The following STRA6 variants were observed in gnomAD, a reference collection of about 807,000 sequenced individuals.
The protein encoded by STRA6 is signaling receptor and transporter of retinol STRA6, also known as receptor for retinol uptake STRA6.
STRA6 carries 48 observed loss-of-function variants against 83.6 expected under a neutral mutation model. The observed-to-expected ratio is 0.57, with a 90% CI of 0.46 to 0.73. The LOEUF is 0.73. Ranked by LOEUF, STRA6 falls within the 30% of genes least tolerant of loss-of-function variation. STRA6 has a pLI of 0.00. For synonymous variants in STRA6, 353 were observed against 362.3 expected, an observed-to-expected ratio of 0.97 and a Z score of 0.29; for missense variants, 760 against 838.8, an observed-to-expected ratio of 0.91 and a Z score of 1.16.
In STRA6 at chr15:74,189,067, C is replaced by T. The variant is rs374589638; in HGVS notation, c.1090+48G>A. ...CTAGGGCATAGACCTTGGGTCTCCC[C>T]GCTTTCATTCCCCACTGCAGCCCTC... On this transcript the variant is annotated intron_variant, in intron 12 of 18. Coordinates refer to ENST00000395105, the MANE Select transcript of STRA6 (RefSeq NM_022369.4). 58 of 1,609,440 alleles carry T rather than the reference C, an allele frequency of 3.6e-5. 1 individual carries two copies. Among genetic ancestry groups the T allele is most frequent in the African/African-American group, 1.3e-4 (10 of 74,858 alleles).
chr15:74,195,018 G>A (rs1180922888), intron 7 of STRA6: 2 of 1,434,136 alleles, frequency 1.4e-6, no homozygotes, highest in South Asian at 1.5e-5. Flanking sequence ...TTGGGGGTGG[G>A]GGCCATTTCA....
At position 74,192,293 on chromosome 15, in the gene STRA6, C is replaced by CG. The variant is rs535037487; in HGVS notation, c.721-803dup. ...GCATGCCTCAGGCACTGTGTCGTCCCGGGGGGCCGCTCCCTTTTCAGAGCC... is the reference window on the plus strand; with the variant it reads ...GCATGCCTCAGGCACTGTGTCGTCCCGGGGGGGCCGCTCCCTTTTCAGAGCC... On this transcript the variant is annotated intron_variant, in intron 8 of 18. Transcript: ENST00000395105. Among the ~76,000 whole-genome samples, 18 of 152,138 alleles carry CG rather than the reference C, an allele frequency of 1.2e-4. No homozygotes were observed. The East Asian group carries it at 1.9e-3, about 16-fold the overall frequency.
chr15:74,195,495 C>A lies in STRA6; in HGVS notation c.431-27G>T, dbSNP rs201166413. The stretch of plus-strand genomic sequence containing the variant: ...TGGAAGGTGAAACAAGCAGAGAGAC[C>A]CATGCTGGAGGGGCAGACATGGGGC... On this transcript the variant is annotated intron_variant, in intron 6 of 18. Coordinates refer to ENST00000395105, the MANE Select transcript of STRA6 (RefSeq NM_022369.4). 4.8e-4 allele frequency: 779 copies of A among 1,610,672 alleles called. 1 individual carries two copies. The highest frequency in any genetic ancestry group is 6.6e-4 in the Middle Eastern group (4 of 6,056).
intron 1 of STRA6, among the ~76,000 whole-genome samples, chr15:74,208,634 G>T (rs2074316068): frequency 6.6e-6 from 1 of 151,970 alleles, no homozygotes; most frequent in Non-Finnish European, 1.5e-5. Flanking sequence ...CCCACCCCAG[G>T]TCTCCAAACT....
rs760043923 is a variant in STRA6, at chr15:74,191,235, G to C, written c.797C>G (p.Thr266Ser). The change falls in exon 10 of 19, where the codon ACC becomes AGC. Residue 266 changes from threonine (T) to serine (S), a missense_variant. Thr to Ser is a moderately conservative substitution (Grantham distance 58, BLOSUM62 1). Transcript: ENST00000395105. ...CCAGGACAGGAAGCCATGCTTGGAG[G>C]TGTGGTAGCTGCAGAAAGACCCAGG... ...CRKKLGSSYHTSKHGFLSWAR... is the reference protein window; with the variant it reads ...CRKKLGSSYHSSKHGFLSWAR... 1 of 1,613,812 alleles carries C rather than the reference G, an allele frequency of 6.2e-7. No homozygotes were observed. Among genetic ancestry groups the C allele is most frequent in the Non-Finnish European group, 8.5e-7 (1 of 1,179,990 alleles).
chr15:74,207,345 T>C (rs1301968546), upstream of STRA6, among the ~76,000 whole-genome samples: 2 of 152,124 alleles, frequency 1.3e-5, no homozygotes, highest in African/African-American at 4.8e-5. Context: ...TGAGTTTCAG[T>C]AATGCCATAA....
At chr15:74,210,824 G>A (rs183548050), upstream of STRA6, among the ~76,000 whole-genome samples, 5 of 152,232 alleles carry the variant, frequency 3.3e-5, no homozygotes, top group East Asian at 7.7e-4. Flanking sequence ...CAATTCCCAG[G>A]TTGTGTTCTC....
chr15:74,197,951 A>G, intron 2 of STRA6, 133 bp from the exon 3 acceptor site: 1 of 930,840 alleles, frequency 1.1e-6, no homozygotes, highest in Non-Finnish European at 1.7e-6. Context: ...CCTCCTACAC[A>G]AGCCTTCCCA....
Position 74,196,048 on chromosome 15 carries a change from G to C in STRA6, c.366C>G (p.Asp122Glu). The change falls in exon 5 of 19, where the codon GAC becomes GAG. Residue 122 changes from aspartate to glutamate, a missense_variant. Physicochemically the swap from Asp to Glu is conservative, Grantham distance 45. Transcript: ENST00000395105. ...SSLCLLLPDE[D>E]ALPFLTLASA... is the part of the protein sequence containing the mutation. ...AGGCGAGAGTCAGGAAGGGCAATGCGTCCTCGTCGGGGAGCAGCAAACACA... is the reference window on the plus strand; with the variant it reads ...AGGCGAGAGTCAGGAAGGGCAATGCCTCCTCGTCGGGGAGCAGCAAACACA... 6.2e-7 allele frequency: 1 copy of C among 1,614,016 alleles called. No homozygotes were observed.
Position 74,197,440 on chromosome 15 carries a change from G to A in STRA6, c.181-17C>T. The stretch of plus-strand genomic sequence containing the variant: ...CACAAGGATCTGAAAGGAGAGTGCA[G>A]AGGAGGGCTTGGGGTGCCCAGGCCT... On this transcript the variant is annotated splice_polypyrimidine_tract_variant and intron_variant, in intron 3 of 18. Transcript: ENST00000395105. The A allele has an allele frequency of 1.9e-6, 3 of 1,549,076 alleles. No homozygotes were observed. In the South Asian group the frequency reaches 3.6e-5, roughly 18 times the overall value.
chr15:74,197,429 A>T lies in STRA6; in HGVS notation c.181-6T>A. ...AGGAGCAGCAGCACAAGGATCTGAA[A>T]GGAGAGTGCAGAGGAGGGCTTGGGG... On this transcript the variant is annotated splice_polypyrimidine_tract_variant and splice_region_variant and intron_variant, in intron 3 of 18. Transcript: ENST00000395105. 6.5e-7 allele frequency: 1 copy of T among 1,550,124 alleles called. No homozygotes were observed. Among genetic ancestry groups the T allele is most frequent in the Non-Finnish European group, 8.7e-7 (1 of 1,146,698 alleles).
At position 74,189,424 on chromosome 15, in the gene STRA6, G is replaced by T. The variant is rs552375120; in HGVS notation, c.928-147C>A. 1.1e-4 allele frequency: 135 copies of T among 1,225,486 alleles called. No homozygotes were observed. The South Asian group carries it at 1.6e-3, about 15-fold the overall frequency. The allele number at this position is 1,225,486 out of a possible 1,614,324, so 75.9% of individuals were successfully genotyped here. ...GTTCTTATCTGCCCCTTAGAGCAGGGATCTCACGCCTCTAAATGAGGACAT... is the reference window on the plus strand; with the variant it reads ...GTTCTTATCTGCCCCTTAGAGCAGGTATCTCACGCCTCTAAATGAGGACAT... On this transcript the variant is annotated intron_variant, in intron 11 of 18. Transcript: ENST00000395105.
chr15:74,198,584 C>T (rs949665393), intron 2 of STRA6, among the ~76,000 whole-genome samples: 1 of 152,186 alleles, frequency 6.6e-6, no homozygotes. Flanking sequence ...CTACTCACTG[C>T]CATCTGAGGT....
intron 11 of STRA6, among the ~76,000 whole-genome samples, chr15:74,189,574 G>A (rs990494411): frequency 2.0e-5 from 3 of 151,250 alleles, no homozygotes; most frequent in Non-Finnish European, 4.4e-5. Flanking sequence ...ATCAAGCGCA[G>A]ATCAAAAATA....
chr15:74,180,800 G>GT lies in STRA6; in HGVS notation c.1821dup (p.Pro608ThrfsTer22). ...GGCGCACCTTCGTCTTCCTCCCCTGGTCTGAGGCTGTCCTGGGGGGCTGCC... is the reference window on the plus strand; with the variant it reads ...GGCGCACCTTCGTCTTCCTCCCCTGGTTCTGAGGCTGTCCTGGGGGGCTGCC... On this transcript the variant is annotated frameshift_variant, in exon 18 of 19. Transcript: ENST00000395105. LOFTEE classifies it low-confidence loss of function (END_TRUNC). 6.2e-7 allele frequency: 1 copy of GT among 1,611,780 alleles called. No individual in the cohort carries two copies. The highest frequency in any genetic ancestry group is 8.5e-7 in the Non-Finnish European group (1 of 1,178,138).
At chr15:74,206,474 G>A (rs1379542910), upstream of STRA6, among the ~76,000 whole-genome samples, 3 of 152,218 alleles carry the variant, frequency 2.0e-5, no homozygotes, top group South Asian at 4.1e-4. Context: ...AGAGAAGGAT[G>A]GTAATGATGT....
chr15:74,209,666 G>A, upstream of STRA6: 1 of 549,462 alleles, frequency 1.8e-6, no homozygotes, highest in Non-Finnish European at 3.2e-6. Context: ...AACCTCCAAC[G>A]CTGCTGGACA....
chr15:74,196,211 C>A, intron 4 of STRA6, 64 bp from the exon 5 acceptor site: 1 of 1,597,968 alleles, frequency 6.3e-7, no homozygotes, highest in East Asian at 2.3e-5. Context: ...CATTACCTCC[C>A]AGCTGTATTC....
At chr15:74,185,773 A>G (rs1214091318) in intron 12 of STRA6, among the ~76,000 whole-genome samples, 2 of 152,254 alleles carry the variant, frequency 1.3e-5, no homozygotes, top group Non-Finnish European at 2.9e-5. Context: ...GTTAGACAGA[A>G]GAACTGTTCC....
Sources: gnomAD v4.1 joint callset for allele counts (sites outside exome capture counted in the v4.1 genomes callset) on GRCh38, gnomAD v4.1.1 for gene constraint, MANE v1.5 for transcripts, NCBI Gene and HGNC (gene_info 2026-07-23, HGNC 2026-07-21) for gene names.